The following MAGI1 variants were observed in gnomAD, a reference collection of about 807,000 sequenced individuals.
MAGI1 encodes membrane-associated guanylate kinase, WW and PDZ domain-containing protein 1.
In MAGI1, 58 loss-of-function variants were observed where a neutral mutation model predicts 139.9. The ratio of observed to expected loss-of-function variants is 0.41; its 90% CI spans 0.34 to 0.52. MAGI1 has a LOEUF of 0.52. MAGI1 is among the 20% of genes least tolerant of loss of function. The pLI, the probability that MAGI1 is intolerant of heterozygous loss-of-function variation, is 0.12. For synonymous variants in MAGI1, 812 were observed against 737.9 expected, an observed-to-expected ratio of 1.10 and a Z score of -1.63; for missense variants, 1,874 against 1,901.6, an observed-to-expected ratio of 0.99 and a Z score of 0.27.
chr3:65,913,302 A>G (rs2061750688), intron 1 of MAGI1, among the ~76,000 whole-genome samples: 1 of 152,174 alleles, frequency 6.6e-6, no homozygotes, highest in Non-Finnish European at 1.5e-5. Context: ...CTTCCAAGCC[A>G]TGAAGTTCAA....
At chr3:65,449,264 AAAGTAT>A (rs1487316253) in intron 6 of MAGI1, among the ~76,000 whole-genome samples, 1 of 152,196 alleles carries the variant, frequency 6.6e-6, no homozygotes, top group Non-Finnish European at 1.5e-5. Context: ...CCTAGAACTT[AAAGTAT>A]AATAATAATA....
intron 1 of MAGI1, among the ~76,000 whole-genome samples, chr3:65,726,116 C>T (rs942948349): frequency 6.6e-6 from 1 of 152,106 alleles, no homozygotes; most frequent in South Asian, 2.1e-4. Context: ...TGAATTACTG[C>T]TGCATATGAA....
At chr3:65,507,238 G>C (rs1349896743) in intron 2 of MAGI1, among the ~76,000 whole-genome samples, 1 of 152,218 alleles carries the variant, frequency 6.6e-6, no homozygotes, top group Non-Finnish European at 1.5e-5. Context: ...CAGGTCTACA[G>C]AGTAAGTAGC....
intron 3 of MAGI1, among the ~76,000 whole-genome samples, chr3:65,488,385 G>A (rs1951763598): frequency 6.6e-6 from 1 of 151,768 alleles, no homozygotes; most frequent in Non-Finnish European, 1.5e-5. Flanking sequence ...CACCCAGGCT[G>A]GAGTGCAGTG....
intron 12 of MAGI1, among the ~76,000 whole-genome samples, chr3:65,417,316 T>G (rs1946299476): frequency 6.6e-6 from 1 of 152,114 alleles, no homozygotes; most frequent in Non-Finnish European, 1.5e-5. Flanking sequence ...CATGTACCCC[T>G]GAACTTAAAG....
intron 1 of MAGI1, among the ~76,000 whole-genome samples, chr3:65,672,928 G>T (rs1294431821): frequency 6.6e-6 from 1 of 152,126 alleles, no homozygotes. Flanking sequence ...ATGCCACCAG[G>T]CCATAATCAA....
chr3:65,474,612 T>TACACAC (rs60798256), intron 4 of MAGI1, among the ~76,000 whole-genome samples: 45,938 of 150,626 alleles, frequency 0.3, 8,431 homozygotes, highest in East Asian at 0.72. Context: ...CAAGCTTTTA[T>TACACAC]ACACACACAC....
intron 3 of MAGI1, among the ~76,000 whole-genome samples, chr3:65,493,249 A>T (rs1184766963): frequency 1.3e-5 from 2 of 152,212 alleles, no homozygotes; most frequent in African/African-American, 4.8e-5. Flanking sequence ...ACATGTCCGT[A>T]TTAAAAACAA....
At chr3:66,029,001 T>C (rs1026866434) in intron 1 of MAGI1, among the ~76,000 whole-genome samples, 2 of 152,286 alleles carry the variant, frequency 1.3e-5, no homozygotes, top group African/African-American at 2.4e-5. Flanking sequence ...TGCCAAGCCC[T>C]GTGTCATGTG....
At chr3:65,513,922 A>G (rs2107766899) in intron 2 of MAGI1, among the ~76,000 whole-genome samples, 1 of 81,368 alleles carries the variant, frequency 1.2e-5, no homozygotes, top group South Asian at 5.8e-4. Flanking sequence ...ACAAGGCTAC[A>G]GTAACCAAAA....
intron 13 of MAGI1, among the ~76,000 whole-genome samples, chr3:65,395,984 G>A (rs943144450): frequency 1.3e-5 from 2 of 152,094 alleles, no homozygotes; most frequent in East Asian, 1.9e-4. Flanking sequence ...CAACACCAGG[G>A]TAGCTGGAGT....
intron 5 of MAGI1, among the ~76,000 whole-genome samples, chr3:65,459,395 T>C (rs1266189822): frequency 1.3e-5 from 2 of 152,214 alleles, no homozygotes; most frequent in African/African-American, 4.8e-5. Flanking sequence ...TTGAGTAGTA[T>C]GGACATTTTA....
chr3:65,443,000 A>T (rs1348653328), intron 7 of MAGI1, 151 bp from the exon 8 acceptor site: 6 of 509,148 alleles, frequency 1.2e-5, no homozygotes, highest in Non-Finnish European at 2.1e-5. Context: ...AAAAAAAAGT[A>T]TCTATTATTT....
At chr3:65,535,995 G>C (rs2078943350) in intron 2 of MAGI1, among the ~76,000 whole-genome samples, 2 of 152,138 alleles carry the variant, frequency 1.3e-5, no homozygotes, top group South Asian at 2.1e-4. Flanking sequence ...GGGCACATGG[G>C]AACTGAAAAC....
chr3:65,597,225 A>C (rs2082252171), intron 2 of MAGI1, among the ~76,000 whole-genome samples: 9 of 145,660 alleles, frequency 6.2e-5, no homozygotes, highest in African/African-American at 1.5e-4. Flanking sequence ...CTCCTCCTTT[A>C]CCATCCATCA....
At position 65,622,127 on chromosome 3, in the gene MAGI1, C is replaced by G. The variant is rs762353748; in HGVS notation, c.314-39G>C. 2.5e-5 allele frequency: 35 copies of G among 1,388,726 alleles called. No individual in the cohort carries two copies. The Middle Eastern group carries it at 5.2e-4, about 21-fold the overall frequency. 86.0% of individuals were successfully genotyped at this position (1,388,726 alleles called of 1,614,324 possible). A position where few individuals can be genotyped will look rare whatever the true frequency, so the allele number is the denominator to read the frequency against. ...ATAAAATAGACATACCACATCAACACAGGGCCTCCTAGAAAAGAAGTAGCC... is the reference window on the plus strand; with the variant it reads ...ATAAAATAGACATACCACATCAACAGAGGGCCTCCTAGAAAAGAAGTAGCC... On this transcript the variant is annotated intron_variant, in intron 1 of 22. Coordinates refer to ENST00000402939, the MANE Select transcript of MAGI1 (RefSeq NM_001033057.2).
At chr3:65,989,240 G>A (rs1173302823) in intron 1 of MAGI1, among the ~76,000 whole-genome samples, 1 of 152,188 alleles carries the variant, frequency 6.6e-6, no homozygotes, top group Non-Finnish European at 1.5e-5. Context: ...CATTCAAACA[G>A]GTAGAGAGTG....
intron 1 of MAGI1, among the ~76,000 whole-genome samples, chr3:65,869,926 A>C (rs2059880560): frequency 6.6e-6 from 1 of 152,208 alleles, no homozygotes. Context: ...GCACGCAGTA[A>C]GCGTTCAGTG....
At chr3:65,930,044 C>T (rs1450940288) in intron 1 of MAGI1, among the ~76,000 whole-genome samples, 2 of 152,166 alleles carry the variant, frequency 1.3e-5, no homozygotes, top group South Asian at 2.1e-4. Flanking sequence ...AGGCCGGGCG[C>T]GTTGGCTCAC....
Sources: gnomAD v4.1 joint callset for allele counts (sites outside exome capture counted in the v4.1 genomes callset) on GRCh38, gnomAD v4.1.1 for gene constraint, MANE v1.5 for transcripts, NCBI Gene and HGNC (gene_info 2026-07-23, HGNC 2026-07-21) for gene names.